DOK6: variants seen among roughly 807,000 people sequenced by gnomAD.
DOK6 encodes the protein docking protein 6.
DOK6 carries 22 observed loss-of-function variants against 44.0 expected under a neutral mutation model. That is an observed-to-expected ratio of 0.50 (90% CI 0.36 to 0.71). The LOEUF is 0.71. Among genes scored for constraint, DOK6 ranks in the 30% least tolerant of loss-of-function variants. The probability of loss-of-function intolerance (pLI) is 0.00; values close to 1 mark genes in which losing one functional copy is unlikely to be tolerated. For missense variants in DOK6, 340 were observed against 416.4 expected (o/e 0.82, Z 1.60); for synonymous variants, 166 against 145.5 (o/e 1.14, Z -1.01).
intron 7 of DOK6, among the ~76,000 whole-genome samples, chr18:69,805,782 G>A (rs1981035960): frequency 6.6e-6 from 1 of 152,082 alleles, no homozygotes; most frequent in South Asian, 2.1e-4. Context: ...TTGAAATACT[G>A]GCTGAAAGTT....
chr18:69,613,965 TTTATTA>T (rs910151489), intron 3 of DOK6, among the ~76,000 whole-genome samples: 3 of 143,742 alleles, frequency 2.1e-5, no homozygotes, highest in Admixed American at 6.8e-5. Flanking sequence ...TATTTTTTAT[TTTATTA>T]TTATTATACT....
chr18:69,420,796 G>C (rs1039993259), intron 1 of DOK6, among the ~76,000 whole-genome samples: 1 of 152,126 alleles, frequency 6.6e-6, no homozygotes, highest in South Asian at 2.1e-4. Context: ...GGAGGTTGGC[G>C]TATCTCTGAG....
chr18:69,526,111 T>C (rs1981824304), intron 1 of DOK6, among the ~76,000 whole-genome samples: 1 of 152,152 alleles, frequency 6.6e-6, no homozygotes, highest in African/African-American at 2.4e-5. Context: ...ATTCACCTAT[T>C]TAATATATAC....
intron 5 of DOK6, among the ~76,000 whole-genome samples, chr18:69,736,340 C>T (rs1978606908): frequency 2.0e-5 from 3 of 152,158 alleles, no homozygotes; most frequent in East Asian, 3.9e-4. Context: ...AAAGAAAATT[C>T]TGGAAACAAG....
At chr18:69,506,772 G>A (rs186361405) in intron 1 of DOK6, among the ~76,000 whole-genome samples, 13 of 151,918 alleles carry the variant, frequency 8.6e-5, no homozygotes, top group African/African-American at 3.1e-4. Flanking sequence ...TGGGGTTGCC[G>A]GGTTGTATGG....
At chr18:69,769,252 C>A (rs1599315727) in intron 7 of DOK6, among the ~76,000 whole-genome samples, 1 of 152,078 alleles carries the variant, frequency 6.6e-6, no homozygotes, top group South Asian at 2.1e-4. Flanking sequence ...TTCTTACTGA[C>A]AATTACAACT....
intron 5 of DOK6, among the ~76,000 whole-genome samples, chr18:69,700,256 G>A (rs911828503): frequency 1.7e-5 from 2 of 115,730 alleles, no homozygotes; most frequent in Middle Eastern, 4.3e-3. Context: ...TGTTGTTAAG[G>A]TTTTGTCGGG....
At chr18:69,661,561 T>C (rs1985527866) in intron 3 of DOK6, 1 of 152,204 alleles carries the variant, frequency 6.6e-6, no homozygotes, top group African/African-American at 2.4e-5. Flanking sequence ...TGGAGCCTCC[T>C]TCCTATTATA....
chr18:69,818,388 T>C (rs1188847388), intron 7 of DOK6, among the ~76,000 whole-genome samples: 2 of 152,108 alleles, frequency 1.3e-5, no homozygotes, highest in African/African-American at 4.8e-5. Context: ...AAGATAAATA[T>C]TAAGAGGCTT....
intron 4 of DOK6, among the ~76,000 whole-genome samples, chr18:69,689,698 T>C (rs1399044416): frequency 6.6e-6 from 1 of 152,116 alleles, no homozygotes; most frequent in Non-Finnish European, 1.5e-5. Context: ...CTAAAATTTA[T>C]ATAGGAGAAT....
intron 7 of DOK6, among the ~76,000 whole-genome samples, chr18:69,835,621 C>T (rs887246564): frequency 5.9e-5 from 9 of 152,190 alleles, no homozygotes; most frequent in African/African-American, 2.2e-4. Flanking sequence ...CTGCAGCCTG[C>T]CCGCTCCTTT....
At chr18:69,560,687 C>T (rs1314151759) in intron 1 of DOK6, among the ~76,000 whole-genome samples, 7 of 152,124 alleles carry the variant, frequency 4.6e-5, no homozygotes, top group Admixed American at 2.0e-4. Flanking sequence ...AGCATTTTAT[C>T]CATTTTGAAT....
chr18:69,832,200 G>A (rs1444166910), intron 7 of DOK6, among the ~76,000 whole-genome samples: 1 of 152,118 alleles, frequency 6.6e-6, no homozygotes, highest in East Asian at 1.9e-4. Context: ...GTTGAGATAT[G>A]TTCCCTCTAT....
chr18:69,839,233 ATCCCCTAGTCCC>A (rs980188541), intron 7 of DOK6, among the ~76,000 whole-genome samples: 3 of 119,890 alleles, frequency 2.5e-5, no homozygotes, highest in Non-Finnish European at 3.5e-5. Flanking sequence ...TCCCTAACTC[ATCCCCTAGTCCC>A]TCCCCTAGTC....
intron 1 of DOK6, among the ~76,000 whole-genome samples, chr18:69,510,997 CT>C (rs1265297508): frequency 1.3e-5 from 2 of 152,010 alleles, no homozygotes; most frequent in Non-Finnish European, 2.9e-5. Flanking sequence ...GCAACACTGT[CT>C]TATTTATAAG....
chr18:69,653,771 A>T (rs1985291621), intron 3 of DOK6, among the ~76,000 whole-genome samples: 1 of 152,234 alleles, frequency 6.6e-6, no homozygotes, highest in African/African-American at 2.4e-5. Flanking sequence ...GACCTTTGTC[A>T]TCTGGGCAGA....
At chr18:69,646,834 A>C (rs1424470262) in intron 3 of DOK6, among the ~76,000 whole-genome samples, 1 of 152,140 alleles carries the variant, frequency 6.6e-6, no homozygotes, top group Non-Finnish European at 1.5e-5. Flanking sequence ...AAGTCTCAAC[A>C]GTATTACCTC....
At chr18:69,548,114 C>T (rs1388698665) in intron 1 of DOK6, among the ~76,000 whole-genome samples, 3 of 150,484 alleles carry the variant, frequency 2.0e-5, no homozygotes, top group African/African-American at 7.3e-5. Context: ...CTACCACACC[C>T]GGCTAATTTT....
rs1555670144 is a variant in DOK6, at chr18:69,774,133, G to GATATATATAGAGATATAT, written c.856+16269_856+16270insGAGATATATATATATATA. ...TAGATTTATATAGATATATATATGA[G>GATATATATAGAGATATAT]ATATATATATATATATATATATAAT... On this transcript the variant is annotated intron_variant, in intron 7 of 7. Coordinates refer to ENST00000382713, the MANE Select transcript of DOK6 (RefSeq NM_152721.6). Among the ~76,000 whole-genome samples, 5 of 66,896 alleles carry GATATATATAGAGATATAT rather than the reference G, an allele frequency of 7.5e-5. No individual in the cohort carries two copies. The East Asian group carries it at 3.5e-3, about 46-fold the overall frequency. 43.9% of individuals were successfully genotyped at this position (66,896 alleles called of 152,430 possible).
Sources: gnomAD v4.1 joint callset for allele counts (sites outside exome capture counted in the v4.1 genomes callset) on GRCh38, gnomAD v4.1.1 for gene constraint, MANE v1.5 for transcripts, NCBI Gene and HGNC (gene_info 2026-07-23, HGNC 2026-07-21) for gene names.